BRD1: variants seen among roughly 807,000 people sequenced by gnomAD.
The protein encoded by BRD1 is bromodomain containing 1.
BRD1 carries 24 observed loss-of-function variants against 107.7 expected under a neutral mutation model. That is an observed-to-expected ratio of 0.22 (90% CI 0.16 to 0.31). BRD1 has a LOEUF of 0.31. Among genes scored for constraint, BRD1 ranks in the 10% least tolerant of loss-of-function variants. BRD1 has a pLI of 1.00. For synonymous variants in BRD1, 744 were observed against 686.1 expected (o/e 1.08, Z -1.32); for missense variants, 1,279 against 1,638.6 (o/e 0.78, Z 3.79).
At position 49,823,924 on chromosome 22, in the gene BRD1, C is replaced by T. The variant is rs2060115239; in HGVS notation, c.394G>A (p.Ala132Thr). Residue 132 changes from alanine to threonine, a missense_variant, in exon 2 of 13, where the codon GCC becomes ACC. By Grantham distance (58) the Ala-to-Thr change is moderately conservative. Around this residue, in one of 7 missense-constraint regions of BRD1, gnomAD observed 223 missense variants for 263.5 expected, o/e 0.85. Coordinates refer to ENST00000404760, the MANE Select transcript of BRD1 (RefSeq NM_001304808.3). ...TAGTACACAGGAGGCCTCCTGGGGG[C>T]GGACGGAGGGCTGTACTCCACGATG... is the stretch of plus-strand genomic sequence containing the variant. Reference protein sequence around the residue: ...VRIVEYSPPSAPRRPPVYYKF... With the variant: ...VRIVEYSPPSTPRRPPVYYKF... 2.5e-6 allele frequency: 4 copies of T among 1,614,062 alleles called. No individual in the cohort carries two copies. The highest frequency in any genetic ancestry group is 1.1e-5 in the South Asian group (1 of 91,086).
chr22:49,777,816 G>A lies in BRD1; in HGVS notation c.2858-3C>T. On this transcript the variant is annotated splice_polypyrimidine_tract_variant and splice_region_variant and intron_variant, in intron 8 of 12. Transcript: ENST00000404760. ...ACCCCCAAAGCCGTTGGTGAGACCT[G>A]GAACACAGGCGGGCAGGCCCTGAGC... 6.3e-7 allele frequency: 1 copy of A among 1,596,056 alleles called. No individual in the cohort carries two copies. Among genetic ancestry groups the A allele is most frequent in the South Asian group, 1.1e-5 (1 of 90,070 alleles).
intron 2 of BRD1, among the ~76,000 whole-genome samples, chr22:49,809,266 G>A (rs757213699): frequency 2.0e-4 from 30 of 152,012 alleles, no homozygotes; most frequent in African/African-American, 7.0e-4. Context: ...TTTAGGCCAG[G>A]TGCAGTGGCT....
intron 2 of BRD1, among the ~76,000 whole-genome samples, chr22:49,804,847 A>C (rs2059709911): frequency 6.6e-6 from 1 of 151,968 alleles, no homozygotes; most frequent in Admixed American, 6.6e-5. Flanking sequence ...CGAGATTCTG[A>C]CTCAAAAATA....
chr22:49,816,067 T>C (rs1009002734), intron 2 of BRD1, among the ~76,000 whole-genome samples: 2 of 151,296 alleles, frequency 1.3e-5, no homozygotes, highest in Admixed American at 1.3e-4. Context: ...GCCCGGGAGG[T>C]ACCCACACAG....
At chr22:49,804,178 G>A (rs1350097489) in intron 3 of BRD1, 26 bp downstream of exon 3, 1 of 1,545,598 alleles carries the variant, frequency 6.5e-7, no homozygotes, top group Non-Finnish European at 8.7e-7. Flanking sequence ...GACGCAGAAA[G>A]GCTGTGGGGG....
intron 7 of BRD1, among the ~76,000 whole-genome samples, chr22:49,789,336 G>A (rs892247124): frequency 6.6e-6 from 1 of 152,208 alleles, no homozygotes; most frequent in African/African-American, 2.4e-5. Context: ...GCGGAGAAGG[G>A]CTGCTGAAAG....
chr22:49,818,184 G>A (rs1045566403), intron 2 of BRD1: 46 of 1,042,452 alleles, frequency 4.4e-5, no homozygotes, highest in East Asian at 2.6e-4. Flanking sequence ...AACCTCATTC[G>A]AATGAAGGTA....
In BRD1 at chr22:49,821,883, C is replaced by A. The variant is rs918052279; in HGVS notation, c.1367+1068G>T. ...AAGCTCAGCACCAGGCTGGCTCTAC[C>A]CGCCCTGTTGACCGGCAGGCCCCAT... On this transcript the variant is annotated intron_variant, in intron 2 of 12. Coordinates refer to ENST00000404760, the MANE Select transcript of BRD1 (RefSeq NM_001304808.3). Among the ~76,000 whole-genome samples, 21 of 152,348 alleles carry A rather than the reference C, an allele frequency of 1.4e-4. 1 individual carries two copies. In the South Asian group the frequency reaches 1.7e-3, roughly 12 times the overall value.
rs2147106157 is a variant in BRD1, at chr22:49,794,017, C to T, written c.2359+17G>A. The T allele has an allele frequency of 6.2e-7, 1 of 1,604,488 alleles. No individual in the cohort carries two copies. Among genetic ancestry groups the T allele is most frequent in the East Asian group, 2.2e-5 (1 of 44,790 alleles). Reference sequence around the variant, plus strand: ...CCGTGACGGCAAGAAAGCGGGGCAGCCCTCACCGTGGCTTACCTTCCTCGC... The same window carrying T: ...CCGTGACGGCAAGAAAGCGGGGCAGTCCTCACCGTGGCTTACCTTCCTCGC... On this transcript the variant is annotated intron_variant, in intron 7 of 12. Coordinates refer to ENST00000404760, the MANE Select transcript of BRD1 (RefSeq NM_001304808.3).
At chr22:49,804,452 C>A (rs2059702884) in intron 2 of BRD1, 92 bp from the exon 3 acceptor site, 14 of 1,405,622 alleles carry the variant, frequency 1.0e-5, no homozygotes, top group Non-Finnish European at 1.9e-6. Context: ...GCTAACAAAA[C>A]CATGTGTTCA....
chr22:49,811,526 G>A (rs1018107134), intron 2 of BRD1, among the ~76,000 whole-genome samples: 5 of 152,176 alleles, frequency 3.3e-5, no homozygotes, highest in Non-Finnish European at 7.3e-5. Flanking sequence ...GCGGGTTAAG[G>A]TGCAGGCAGC....
chr22:49,810,722 T>C (rs2059833938), intron 2 of BRD1, among the ~76,000 whole-genome samples: 1 of 152,226 alleles, frequency 6.6e-6, no homozygotes, highest in Non-Finnish European at 1.5e-5. Context: ...CTTCAGCCAC[T>C]GTGGAACTGC....
chr22:49,806,335 C>A (rs1299901392), intron 2 of BRD1: 1 of 152,230 alleles, frequency 6.6e-6, no homozygotes, highest in Non-Finnish European at 1.5e-5. Flanking sequence ...AGCAAAAAGG[C>A]TTTGATGAAA....
intron 12 of BRD1, 51 bp from the exon 13 acceptor site, chr22:49,774,467 C>G: frequency 1.3e-6 from 2 of 1,558,152 alleles, no homozygotes; most frequent in South Asian, 2.4e-5. Flanking sequence ...CATGGTATTT[C>G]AGCAGGCTCC....
chr22:49,810,624 C>T (rs1349692275), intron 2 of BRD1, among the ~76,000 whole-genome samples: 2 of 152,140 alleles, frequency 1.3e-5, no homozygotes, highest in Non-Finnish European at 2.9e-5. Context: ...CTTATGACAA[C>T]AGTAAGAAGT....
intron 8 of BRD1, 109 bp from the exon 9 acceptor site, chr22:49,777,922 A>T (rs1857388287): frequency 2.1e-6 from 3 of 1,401,450 alleles, no homozygotes; most frequent in Non-Finnish European, 2.8e-6. Flanking sequence ...TTTCACAGAC[A>T]GGTAAGACAG....
chr22:49,808,715 GA>G (rs1249981777), intron 2 of BRD1, among the ~76,000 whole-genome samples: 2 of 152,136 alleles, frequency 1.3e-5, no homozygotes, highest in African/African-American at 4.8e-5. Flanking sequence ...GTAAAATACT[GA>G]AAAAACTTGA....
intron 2 of BRD1, among the ~76,000 whole-genome samples, chr22:49,819,546 G>T (rs2060023613): frequency 6.6e-6 from 1 of 152,110 alleles, no homozygotes. Flanking sequence ...GCAGGACTCT[G>T]TTCAGGAGAT....
At chr22:49,776,787 C>T (rs2059108089) in intron 10 of BRD1, among the ~76,000 whole-genome samples, 1 of 152,260 alleles carries the variant, frequency 6.6e-6, no homozygotes, top group Non-Finnish European at 1.5e-5. Context: ...AGCAGCCACA[C>T]AGAGCTGGAC....
Sources: allele counts gnomAD v4.1 joint callset (sites outside exome capture counted in the v4.1 genomes callset), GRCh38; gene constraint gnomAD v4.1.1; regional missense constraint gnomAD v4.1.1; transcripts MANE v1.5; gene names NCBI Gene and HGNC (gene_info 2026-07-23, HGNC 2026-07-21).